The following CNTNAP2 variants were observed in gnomAD, a reference collection of about 807,000 sequenced individuals.
CNTNAP2 encodes the protein contactin-associated protein-like 2.
Under a neutral mutation model 155.2 loss-of-function variants are expected in CNTNAP2, and 98 were observed. The observed-to-expected ratio is 0.63, with a 90% CI of 0.54 to 0.75. The LOEUF (loss-of-function observed/expected upper bound fraction) is 0.75. Ranked by LOEUF, CNTNAP2 falls within the 30% of genes least tolerant of loss-of-function variation. The probability of loss-of-function intolerance (pLI) is 0.00; values close to 1 mark genes in which losing one functional copy is unlikely to be tolerated. For synonymous variants in CNTNAP2, 651 were observed against 631.2 expected, an observed-to-expected ratio of 1.03 and a Z score of -0.47; for missense variants, 1,727 against 1,688.1, an observed-to-expected ratio of 1.02 and a Z score of -0.40.
chr7:146,958,320 T>G (rs1039367270), intron 3 of CNTNAP2, among the ~76,000 whole-genome samples: 1 of 152,088 alleles, frequency 6.6e-6, no homozygotes, highest in Admixed American at 6.5e-5. Flanking sequence ...TCACACATCA[T>G]GTACCAAACA....
chr7:147,110,944 T>A lies in CNTNAP2; in HGVS notation c.754+2594T>A, dbSNP rs1800865300. Reference sequence around the variant, plus strand: ...TTTCTGCCTCTAGGTCTTTGAGGAATCTTCACGCTGTCTTCCACAATGATT... The same window carrying A: ...TTTCTGCCTCTAGGTCTTTGAGGAAACTTCACGCTGTCTTCCACAATGATT... On this transcript the variant is annotated intron_variant, in intron 5 of 23. Transcript: ENST00000361727. 2.0e-5 allele frequency among the ~76,000 whole-genome samples: 3 copies of A among 152,342 alleles called. No homozygotes were observed. The South Asian group carries it at 6.2e-4, about 32-fold the overall frequency.
chr7:147,003,189 T>C (rs1026822769), intron 3 of CNTNAP2, among the ~76,000 whole-genome samples: 2 of 151,992 alleles, frequency 1.3e-5, no homozygotes, highest in Non-Finnish European at 2.9e-5. Context: ...AAGTCCTATA[T>C]TGACAGCTGT....
intron 14 of CNTNAP2, chr7:147,940,303 TAAAAAAA>T (rs59484615): frequency 1.1e-5 from 1 of 91,694 alleles, no homozygotes; most frequent in Admixed American, 1.6e-4. Context: ...CCTGTCTCTT[TAAAAAAA>T]AAAAAAAAAA....
At chr7:147,214,854 T>C (rs903522153) in intron 8 of CNTNAP2, among the ~76,000 whole-genome samples, 2 of 152,154 alleles carry the variant, frequency 1.3e-5, no homozygotes, top group African/African-American at 4.8e-5. Flanking sequence ...AGAGGTTTAG[T>C]TGACTCACAG....
intron 3 of CNTNAP2, among the ~76,000 whole-genome samples, chr7:146,881,135 C>A (rs1263503621): frequency 1.3e-5 from 2 of 152,066 alleles, no homozygotes; most frequent in Non-Finnish European, 2.9e-5. Context: ...GCACTGCCAT[C>A]CAATAGAACC....
At chr7:148,335,807 T>C (rs1798105916) in intron 21 of CNTNAP2, among the ~76,000 whole-genome samples, 2 of 152,242 alleles carry the variant, frequency 1.3e-5, no homozygotes, top group African/African-American at 2.4e-5. Flanking sequence ...AACATTGCCT[T>C]AGCCTTTTTG....
At chr7:147,010,062 T>A (rs1267744577) in intron 3 of CNTNAP2, among the ~76,000 whole-genome samples, 1 of 147,350 alleles carries the variant, frequency 6.8e-6, no homozygotes. Flanking sequence ...CAGGCTGGAG[T>A]GCAGTGGCAT....
intron 13 of CNTNAP2, among the ~76,000 whole-genome samples, chr7:147,778,453 T>C (rs1329250452): frequency 6.6e-6 from 1 of 152,210 alleles, no homozygotes. Flanking sequence ...TCTGGAATAA[T>C]CATTTAATGT....
chr7:146,256,866 G>T (rs1457419938), intron 1 of CNTNAP2, among the ~76,000 whole-genome samples: 1 of 152,044 alleles, frequency 6.6e-6, no homozygotes, highest in Admixed American at 6.6e-5. Context: ...AAACTTGGAG[G>T]TTTTTATTTT....
chr7:146,521,317 G>T (rs1473129254), intron 1 of CNTNAP2, among the ~76,000 whole-genome samples: 1 of 151,892 alleles, frequency 6.6e-6, no homozygotes, highest in Non-Finnish European at 1.5e-5. Context: ...TACTAAACAG[G>T]TGGTAGTCTG....
At chr7:146,707,777 A>C (rs1800991285) in intron 1 of CNTNAP2, among the ~76,000 whole-genome samples, 1 of 152,190 alleles carries the variant, frequency 6.6e-6, no homozygotes, top group Non-Finnish European at 1.5e-5. Flanking sequence ...TTTAAGCATT[A>C]TACATTTGTG....
chr7:147,737,142 A>G (rs969981429), intron 13 of CNTNAP2, among the ~76,000 whole-genome samples: 4 of 151,782 alleles, frequency 2.6e-5, no homozygotes, highest in African/African-American at 4.8e-5. Context: ...TTTTTTCCCC[A>G]TCTTTGTGGT....
chr7:146,741,647 A>G (rs1447817594), intron 1 of CNTNAP2, among the ~76,000 whole-genome samples: 1 of 152,192 alleles, frequency 6.6e-6, no homozygotes, highest in African/African-American at 2.4e-5. Flanking sequence ...GGAAAATATT[A>G]TGAGCAACAT....
intron 20 of CNTNAP2, among the ~76,000 whole-genome samples, chr7:148,232,551 C>T (rs1486617708): frequency 6.6e-6 from 1 of 152,080 alleles, no homozygotes; most frequent in Non-Finnish European, 1.5e-5. Context: ...TATGAAACAG[C>T]CATATATTCT....
chr7:146,181,267 G>C (rs1463994361), intron 1 of CNTNAP2, among the ~76,000 whole-genome samples: 1 of 152,068 alleles, frequency 6.6e-6, no homozygotes, highest in African/African-American at 2.4e-5. Context: ...AAGGAGGTTA[G>C]GATTTAGGAG....
chr7:147,850,044 G>C (rs1187364766), intron 13 of CNTNAP2: 2 of 152,114 alleles, frequency 1.3e-5, no homozygotes, highest in Non-Finnish European at 2.9e-5. Context: ...TGTATTACTG[G>C]GGAAGATCCT....
intron 1 of CNTNAP2, among the ~76,000 whole-genome samples, chr7:146,400,592 G>A (rs927087239): frequency 2.0e-5 from 3 of 152,226 alleles, no homozygotes; most frequent in African/African-American, 7.2e-5. Context: ...GCTGAGAATA[G>A]TGAGTAAAAG....
rs1028068202 is a variant in CNTNAP2 at position 148,396,104 on chromosome 7, G to GGGC, written c.3715+12217_3715+12219dup. Among the ~76,000 whole-genome samples the GGGC allele has an allele frequency of 3.6e-4, 55 of 152,264 alleles. 1 individual carries two copies. The highest frequency in any genetic ancestry group is 1.2e-3 in the African/African-American group (50 of 41,546). On this transcript the variant is annotated intron_variant, in intron 22 of 23. Coordinates refer to ENST00000361727, the MANE Select transcript of CNTNAP2 (RefSeq NM_014141.6). ...TGCAGCTGTCAGCCTGTGTCACGTG[G>GGGC]GGCTGGCTAAGTGCGGGGCAACGCG...
At position 146,969,747 on chromosome 7, in the gene CNTNAP2, G is replaced by A. The variant is rs191243609; in HGVS notation, c.403-74160G>A. ...ATGGCACCAAAAAAGAGCCTGCATCGCCAAGTCAATCCTAAGCCAAAAGAA... is the reference window on the plus strand; with the variant it reads ...ATGGCACCAAAAAAGAGCCTGCATCACCAAGTCAATCCTAAGCCAAAAGAA... On this transcript the variant is annotated intron_variant, in intron 3 of 23. Coordinates refer to ENST00000361727, the MANE Select transcript of CNTNAP2 (RefSeq NM_014141.6). Among the ~76,000 whole-genome samples, 49 of 151,992 alleles carry A rather than the reference G, an allele frequency of 3.2e-4. No individual in the cohort carries two copies. The East Asian group carries it at 8.1e-3, about 25-fold the overall frequency.
Sources: allele counts gnomAD v4.1 joint callset (sites outside exome capture counted in the v4.1 genomes callset), GRCh38; gene constraint gnomAD v4.1.1; transcripts MANE v1.5; gene names NCBI Gene and HGNC (gene_info 2026-07-23, HGNC 2026-07-21).